CDH18: variants seen among roughly 807,000 people sequenced by gnomAD.
CDH18 encodes cadherin-18.
Under a neutral mutation model 67.9 loss-of-function variants are expected in CDH18, and 31 were observed. The observed-to-expected ratio is 0.46, with a 90% CI of 0.34 to 0.62. The LOEUF (loss-of-function observed/expected upper bound fraction) is 0.62, where lower values mean the gene tolerates loss of function less well. Among genes scored for constraint, CDH18 ranks in the 20% least tolerant of loss-of-function variants. The pLI, the probability that CDH18 is intolerant of heterozygous loss-of-function variation, is 0.01. For synonymous variants in CDH18, 362 were observed against 347.2 expected (o/e 1.04, Z -0.48); for missense variants, 890 against 975.5 (o/e 0.91, Z 1.17).
At chr5:20,290,913 G>A (rs1328722418) in intron 1 of CDH18, among the ~76,000 whole-genome samples, 1 of 152,130 alleles carries the variant, frequency 6.6e-6, no homozygotes, top group Non-Finnish European at 1.5e-5. Flanking sequence ...GGGTGGTGAT[G>A]TGTTAAGATT....
At position 20,115,325 on chromosome 5, in the gene CDH18, C is replaced by G. The variant is rs370030618; in HGVS notation, c.-517-123311G>C. On this transcript the variant is annotated intron_variant, in intron 2 of 14. Coordinates refer to the CDH18 transcript ENST00000507958. The stretch of plus-strand genomic sequence containing the variant: ...GACGGAGTCTTGCTCTGTCACCAGG[C>G]TGAAGTGTAGTGGCGCGATCTCAGC... Among the ~76,000 whole-genome samples, 4 of 119,350 alleles carry G rather than the reference C, an allele frequency of 3.4e-5. No individual in the cohort carries two copies. In the Admixed American group the frequency reaches 3.4e-4, roughly 10 times the overall value. The allele number at this position is 119,350 out of a possible 152,430, so 78.3% of individuals were successfully genotyped here.
intron 1 of CDH18, among the ~76,000 whole-genome samples, chr5:20,385,742 A>G (rs1744264182): frequency 6.6e-6 from 1 of 152,124 alleles, no homozygotes; most frequent in Non-Finnish European, 1.5e-5. Context: ...TCTTTATACT[A>G]TTTCCCATGG....
chr5:19,973,422 T>G (rs977128675), intron 2 of CDH18, among the ~76,000 whole-genome samples: 1 of 152,112 alleles, frequency 6.6e-6, no homozygotes, highest in African/African-American at 2.4e-5. Context: ...TACTTCAAAT[T>G]TATTTTCTGA....
intron 3 of CDH18, among the ~76,000 whole-genome samples, chr5:19,828,943 C>G (rs182094500): frequency 6.6e-6 from 1 of 152,264 alleles, no homozygotes; most frequent in Non-Finnish European, 1.5e-5. Context: ...CAGGCTGAGA[C>G]AGAAGAATCG....
intron 1 of CDH18, among the ~76,000 whole-genome samples, chr5:20,376,985 C>A (rs1230935725): frequency 6.6e-6 from 1 of 150,676 alleles, no homozygotes; most frequent in East Asian, 1.9e-4. Flanking sequence ...CTACTGCACC[C>A]CAACCTGGGT....
chr5:19,745,396 T>C (rs1769857312), intron 4 of CDH18, among the ~76,000 whole-genome samples: 1 of 152,180 alleles, frequency 6.6e-6, no homozygotes, highest in African/African-American at 2.4e-5. Context: ...TCTAGTGCTT[T>C]AACCCCTGTG....
intron 3 of CDH18, among the ~76,000 whole-genome samples, chr5:19,818,243 T>C (rs1348156144): frequency 6.6e-6 from 1 of 152,124 alleles, no homozygotes; most frequent in Non-Finnish European, 1.5e-5. Flanking sequence ...AGGAAGTAAA[T>C]GGATGAGTTA....
chr5:19,922,735 G>C (rs1241712458), intron 2 of CDH18, among the ~76,000 whole-genome samples: 2 of 152,042 alleles, frequency 1.3e-5, no homozygotes, highest in Admixed American at 6.6e-5. Flanking sequence ...ACTAACCTTT[G>C]AGACATTTAT....
intron 2 of CDH18, among the ~76,000 whole-genome samples, chr5:20,033,338 G>T (rs990445884): frequency 1.3e-5 from 2 of 151,954 alleles, no homozygotes; most frequent in Admixed American, 6.6e-5. Flanking sequence ...TGAAGGACAG[G>T]TATGACCCTT....
intron 2 of CDH18, among the ~76,000 whole-genome samples, chr5:19,863,484 T>C (rs1043124615): frequency 6.6e-6 from 1 of 152,154 alleles, no homozygotes; most frequent in African/African-American, 2.4e-5. Flanking sequence ...GAGGATCTCA[T>C]TAAGCCTCCT....
At chr5:20,352,987 T>C (rs955569653) in intron 1 of CDH18, among the ~76,000 whole-genome samples, 1 of 152,204 alleles carries the variant, frequency 6.6e-6, no homozygotes, top group African/African-American at 2.4e-5. Flanking sequence ...AGGAACACTC[T>C]TATGGAAGCC....
intron 5 of CDH18, among the ~76,000 whole-genome samples, chr5:19,614,765 T>C (rs1460794095): frequency 6.6e-6 from 1 of 152,148 alleles, no homozygotes; most frequent in Non-Finnish European, 1.5e-5. Context: ...GGAAGAAATT[T>C]GCCAGCCAAA....
intron 10 of CDH18, among the ~76,000 whole-genome samples, chr5:19,508,896 A>G (rs1434334690): frequency 7.1e-6 from 1 of 140,262 alleles, no homozygotes; most frequent in Admixed American, 7.6e-5. Context: ...GCAGAGACTC[A>G]CTCTGTAACC....
intron 1 of CDH18, among the ~76,000 whole-genome samples, chr5:20,435,625 G>A (rs1442798840): frequency 6.6e-6 from 1 of 151,954 alleles, no homozygotes; most frequent in Non-Finnish European, 1.5e-5. Context: ...GAAAATCTCG[G>A]TGTAACAACA....
At chr5:19,609,323 C>A (rs1748580497) in intron 6 of CDH18, among the ~76,000 whole-genome samples, 1 of 151,846 alleles carries the variant, frequency 6.6e-6, no homozygotes, top group South Asian at 2.1e-4. Context: ...TTTTCCAACA[C>A]CATGTAGCCC....
intron 2 of CDH18, among the ~76,000 whole-genome samples, chr5:19,848,899 T>C (rs1030182290): frequency 1.5e-4 from 23 of 149,892 alleles, no homozygotes; most frequent in African/African-American, 5.6e-4. Flanking sequence ...GTATATAATG[T>C]GTATATATAC....
chr5:20,499,403 CT>C (rs1269280672), intron 1 of CDH18, among the ~76,000 whole-genome samples: 6 of 150,902 alleles, frequency 4.0e-5, no homozygotes, highest in Admixed American at 4.0e-4. Context: ...ATTTTTTATT[CT>C]TTTCTAAATA....
At chr5:19,563,230 A>C (rs985069814) in intron 8 of CDH18, among the ~76,000 whole-genome samples, 2 of 152,230 alleles carry the variant, frequency 1.3e-5, no homozygotes. Flanking sequence ...CTACAAAAAG[A>C]AAGTTTTCAG....
chr5:20,327,748 A>G, intron 1 of CDH18, among the ~76,000 whole-genome samples: 1 of 152,154 alleles, frequency 6.6e-6, no homozygotes, highest in Non-Finnish European at 1.5e-5. Flanking sequence ...GGACAGTGAA[A>G]GTCTTAGAAA....
Sources: allele counts gnomAD v4.1 joint callset (sites outside exome capture counted in the v4.1 genomes callset), GRCh38; gene constraint gnomAD v4.1.1; transcripts MANE v1.5; gene names NCBI Gene and HGNC (gene_info 2026-07-23, HGNC 2026-07-21).